TRHDE: variants seen among roughly 807,000 people sequenced by gnomAD.
TRHDE encodes the protein thyrotropin releasing hormone degrading enzyme.
Under a neutral mutation model 125.7 loss-of-function variants are expected in TRHDE, and 72 were observed. The ratio of observed to expected loss-of-function variants is 0.57; its 90% CI spans 0.47 to 0.70. The LOEUF (loss-of-function observed/expected upper bound fraction) is 0.70. Ranked by LOEUF, TRHDE falls within the 30% of genes least tolerant of loss-of-function variation. The pLI is 0.00. For synonymous variants in TRHDE, 509 were observed against 509.1 expected (o/e 1.00, Z 0.00); for missense variants, 1,110 against 1,327.1 (o/e 0.84, Z 2.54).
intron 2 of TRHDE, among the ~76,000 whole-genome samples, chr12:72,218,416 A>G (rs767373556): frequency 1.3e-5 from 2 of 152,146 alleles, no homozygotes; most frequent in Admixed American, 1.3e-4. Context: ...ATATATTCCT[A>G]CAATTTCTTA....
intron 2 of TRHDE, among the ~76,000 whole-genome samples, chr12:72,179,239 C>T (rs1877048314): frequency 6.6e-6 from 1 of 152,028 alleles, no homozygotes; most frequent in African/African-American, 2.4e-5. Flanking sequence ...AAACGAGTAA[C>T]AACTGCAAAT....
intron 6 of TRHDE, among the ~76,000 whole-genome samples, chr12:72,541,684 T>C (rs1869154952): frequency 6.6e-6 from 1 of 151,436 alleles, no homozygotes; most frequent in Non-Finnish European, 1.5e-5. Flanking sequence ...AGAACAGCCA[T>C]ATTAAATATA....
At position 72,628,733 on chromosome 12, in the gene TRHDE, T is replaced by G. The variant is rs550781434; in HGVS notation, c.2675+6982T>G. 3.3e-5 allele frequency among the ~76,000 whole-genome samples: 5 copies of G among 152,024 alleles called. No homozygotes were observed. In the South Asian group the frequency reaches 1.0e-3, roughly 32 times the overall value. On this transcript the variant is annotated intron_variant, in intron 15 of 18. Coordinates refer to ENST00000261180, the MANE Select transcript of TRHDE (RefSeq NM_013381.3). ...CTATCTGAATTTATCCTATTGTGAA[T>G]TCTTTTGTCAAAATGAAAATCCTTT...
chr12:72,660,351 G>A (rs1185497227), intron 18 of TRHDE, among the ~76,000 whole-genome samples: 4 of 152,128 alleles, frequency 2.6e-5, no homozygotes, highest in African/African-American at 9.7e-5. Flanking sequence ...CTGTGGGTAG[G>A]CCTGGATAAT....
intron 1 of TRHDE, among the ~76,000 whole-genome samples, chr12:72,276,716 A>G (rs1879499672): frequency 6.6e-6 from 1 of 152,200 alleles, no homozygotes; most frequent in South Asian, 2.1e-4. Context: ...GTTGAGACAA[A>G]TTCTCTACTC....
intron 12 of TRHDE, among the ~76,000 whole-genome samples, chr12:72,615,756 C>T (rs1419818348): frequency 6.6e-6 from 1 of 152,058 alleles, no homozygotes; most frequent in African/African-American, 2.4e-5. Flanking sequence ...GACCCCAAAA[C>T]ACATTTGGAT....
intron 2 of TRHDE, among the ~76,000 whole-genome samples, chr12:72,244,752 G>A (rs1188731332): frequency 6.6e-6 from 1 of 152,030 alleles, no homozygotes; most frequent in Non-Finnish European, 1.5e-5. Context: ...ATTCTTTGGT[G>A]ATGGGGAAAT....
intron 12 of TRHDE, among the ~76,000 whole-genome samples, chr12:72,603,069 G>C (rs907773509): frequency 2.0e-5 from 3 of 152,124 alleles, no homozygotes; most frequent in African/African-American, 7.2e-5. Context: ...AAAGAGTTCA[G>C]ATAAAGAAAT....
At position 72,549,144 on chromosome 12, in the gene TRHDE, T is replaced by C. The variant is rs370277778; in HGVS notation, c.1788+6788T>C. Among the ~76,000 whole-genome samples the C allele has an allele frequency of 1.7e-4, 26 of 151,992 alleles. No individual in the cohort carries two copies. The East Asian group carries it at 4.6e-3, about 27-fold the overall frequency. ...AAAAAGCAAAAAGGAAATATCATTATTATTGGTTTGTGCTCATAAAATTCT... is the reference window on the plus strand; with the variant it reads ...AAAAAGCAAAAAGGAAATATCATTACTATTGGTTTGTGCTCATAAAATTCT... On this transcript the variant is annotated intron_variant, in intron 7 of 18. Transcript: ENST00000261180.
intron 1 of TRHDE, among the ~76,000 whole-genome samples, chr12:72,283,691 G>A (rs996703265): frequency 6.6e-6 from 1 of 151,980 alleles, no homozygotes; most frequent in Non-Finnish European, 1.5e-5. Flanking sequence ...ATAAATATTT[G>A]TTTAATCAAA....
chr12:72,126,811 C>G (rs1272746570), intron 2 of TRHDE, among the ~76,000 whole-genome samples: 1 of 152,052 alleles, frequency 6.6e-6, no homozygotes. Context: ...TGAGCAAGTC[C>G]TGAAAAGCAA....
chr12:72,415,538 CCCCACTA>C (rs1257137299), intron 3 of TRHDE, among the ~76,000 whole-genome samples: 3 of 151,968 alleles, frequency 2.0e-5, no homozygotes, highest in Non-Finnish European at 4.4e-5. Flanking sequence ...TGCTCCCCCT[CCCCACTA>C]CCCTTCTCAG....
chr12:72,121,533 T>C (rs558473059), intron 2 of TRHDE, among the ~76,000 whole-genome samples: 18 of 152,232 alleles, frequency 1.2e-4, no homozygotes, highest in African/African-American at 4.1e-4. Context: ...GCAATCACTG[T>C]GCTCTCTTTC....
At chr12:72,113,118 C>T (rs12314617) in intron 2 of TRHDE, among the ~76,000 whole-genome samples, 1 of 151,992 alleles carries the variant, frequency 6.6e-6, no homozygotes, top group African/African-American at 2.4e-5. Context: ...CCCAGGCTCA[C>T]GTGATCCTCC....
chr12:72,578,715 T>C (rs998384862), intron 12 of TRHDE, among the ~76,000 whole-genome samples: 2 of 152,214 alleles, frequency 1.3e-5, no homozygotes, highest in Non-Finnish European at 2.9e-5. Context: ...GATAAAGTAA[T>C]TGTTAATTAT....
At chr12:72,618,532 A>T (rs1872912659) in intron 12 of TRHDE, among the ~76,000 whole-genome samples, 1 of 152,116 alleles carries the variant, frequency 6.6e-6, no homozygotes. Flanking sequence ...ACATGGAGAA[A>T]CTGAAATTAC....
At chr12:72,196,549 A>T (rs1877446497) in intron 2 of TRHDE, among the ~76,000 whole-genome samples, 1 of 152,054 alleles carries the variant, frequency 6.6e-6, no homozygotes, top group East Asian at 1.9e-4. Flanking sequence ...TTGTGTACAG[A>T]AATGCTACTG....
At chr12:72,411,394 T>A (rs1873502275) in intron 3 of TRHDE, among the ~76,000 whole-genome samples, 1 of 151,988 alleles carries the variant, frequency 6.6e-6, no homozygotes, top group African/African-American at 2.4e-5. Context: ...CACATTTTAC[T>A]GTAACTTAAG....
chr12:72,252,136 T>G (rs952415362), intron 2 of TRHDE, among the ~76,000 whole-genome samples: 1 of 152,148 alleles, frequency 6.6e-6, no homozygotes, highest in African/African-American at 2.4e-5. Flanking sequence ...AAGTTTTTAA[T>G]TTTAATGAGG....
Sources: gnomAD v4.1 joint callset for allele counts (sites outside exome capture counted in the v4.1 genomes callset) on GRCh38, gnomAD v4.1.1 for gene constraint, MANE v1.5 for transcripts, NCBI Gene and HGNC (gene_info 2026-07-23, HGNC 2026-07-21) for gene names.